Variants in CACNA1A observed in about 807,000 individuals in gnomAD.
CACNA1A encodes calcium voltage-gated channel subunit alpha1 A.
A neutral mutation model predicts 262.4 loss-of-function variants in CACNA1A; 57 were observed. The observed-to-expected ratio is 0.22, with a 90% CI of 0.18 to 0.27. The LOEUF is 0.27. Ranked by LOEUF, CACNA1A falls within the 10% of genes least tolerant of loss-of-function variation. The pLI is 1.00. For synonymous variants in CACNA1A, 1,431 were observed against 1,419.3 expected (o/e 1.01, Z -0.18); for missense variants, 2,526 against 3,562.8 (o/e 0.71, Z 7.41).
chr19:13,432,416 A>AAAATAAAT (rs201856945), intron 3 of CACNA1A, among the ~76,000 whole-genome samples: 25,827 of 144,806 alleles, frequency 0.18, 2,702 homozygotes, highest in Non-Finnish European at 0.24. Flanking sequence ...CTCCATCTCA[A>AAAATAAAT]AAATAAATAA....
chr19:13,364,405 A>G (rs1056837072), intron 5 of CACNA1A: 1 of 152,248 alleles, frequency 6.6e-6, no homozygotes, highest in Non-Finnish European at 1.5e-5. Context: ...TTGAGGCAAT[A>G]ACCCTTTTCT....
chr19:13,376,565 AAT>A (rs1012993142), intron 3 of CACNA1A, among the ~76,000 whole-genome samples: 112 of 148,968 alleles, frequency 7.5e-4, no homozygotes, highest in Middle Eastern at 3.6e-3. Flanking sequence ...TATAACACAT[AAT>A]ATATGTTATA....
rs747456771 is a variant in CACNA1A at position 13,298,737 on chromosome 19, C to T, written c.2896G>A (p.Glu966Lys). The T allele has an allele frequency of 6.7e-6, 10 of 1,503,498 alleles. No individual in the cohort carries two copies. Among genetic ancestry groups the T allele is most frequent in the Non-Finnish European group, 8.8e-6 (10 of 1,132,036 alleles). The allele number at this position is 1,503,498 out of a possible 1,614,324, so 93.1% of individuals were successfully genotyped here. ...RRHRAHRRPGEEGPEDKAERR... is the reference protein window; with the variant it reads ...RRHRAHRRPGKEGPEDKAERR... ...TCCGCCTTGTCCTCCGGACCCTCCT[C>T]CCCGGGCCTGCGGTGCGCGCGATGA... The change falls in exon 19 of 47, where the codon GAG becomes AAG. Residue 966 changes from glutamate to lysine, a missense_variant. This residue lies in a region of CACNA1A where 765 missense variants were observed against 748.6 expected (regional missense o/e 1.02). Transcript: ENST00000360228.
At chr19:13,245,032 C>T in intron 31 of CACNA1A, 150 bp downstream of exon 31, 1 of 664,198 alleles carries the variant, frequency 1.5e-6, no homozygotes, top group South Asian at 1.8e-5. Context: ...GTCCCCGGGG[C>T]CCCAGTTCTC....
At chr19:13,415,224 G>A (rs2060199758) in intron 3 of CACNA1A, among the ~76,000 whole-genome samples, 2 of 152,018 alleles carry the variant, frequency 1.3e-5, no homozygotes, top group Admixed American at 1.3e-4. Flanking sequence ...GAAGGCGGGT[G>A]TGTGTGCGGC....
In CACNA1A at chr19:13,270,409, G is replaced by T. The variant is rs12461696; in HGVS notation, c.3989+5441C>A. On this transcript the variant is annotated intron_variant, in intron 24 of 46. Transcript: ENST00000360228. Reference sequence around the variant, plus strand: ...GGAAATAAGCAGAGGACCCTGGGGTGGGGGGTGGGGGGCGGGTGGAGAGTT... The same window carrying T: ...GGAAATAAGCAGAGGACCCTGGGGTTGGGGGTGGGGGGCGGGTGGAGAGTT... Among the ~76,000 whole-genome samples, 2 of 126,028 alleles carry T rather than the reference G, an allele frequency of 1.6e-5. 1 individual carries two copies. The highest frequency in any genetic ancestry group is 1.8e-4 in the Admixed American group (2 of 11,330). The allele number at this position is 126,028 out of a possible 152,430, so 82.7% of individuals were successfully genotyped here. A position where few individuals can be genotyped will look rare whatever the true frequency, so the allele number is the denominator to read the frequency against.
chr19:13,469,274 C>T (rs1386467370), intron 1 of CACNA1A, among the ~76,000 whole-genome samples: 1 of 152,134 alleles, frequency 6.6e-6, no homozygotes, highest in African/African-American at 2.4e-5. Context: ...ATTTGATGAC[C>T]TCCAATTTCC....
chr19:13,414,051 C>G (rs758518949), intron 3 of CACNA1A, among the ~76,000 whole-genome samples: 24 of 151,716 alleles, frequency 1.6e-4, no homozygotes, highest in Non-Finnish European at 3.1e-4. Flanking sequence ...TAGTGGGACC[C>G]CATCTCTACA....
chr19:13,257,715 A>G (rs1157996351), intron 27 of CACNA1A, 164 bp from the exon 28 acceptor site: 1 of 486,664 alleles, frequency 2.1e-6, no homozygotes, highest in Non-Finnish European at 3.6e-6. Context: ...AAAGGCTGAC[A>G]ACAATGTCAG....
At chr19:13,270,467 T>A (rs1488134906) in intron 24 of CACNA1A, among the ~76,000 whole-genome samples, 1 of 151,326 alleles carries the variant, frequency 6.6e-6, no homozygotes, top group Admixed American at 6.6e-5. Flanking sequence ...AGAGCATCCA[T>A]GCTCCTTCCA....
intron 3 of CACNA1A, among the ~76,000 whole-genome samples, chr19:13,412,752 C>T (rs369682647): frequency 3.3e-5 from 5 of 152,286 alleles, no homozygotes; most frequent in East Asian, 3.9e-4. Flanking sequence ...GCTGGGATTA[C>T]AGGCGTTAGC....
chr19:13,353,538 C>T (rs1310975830), intron 6 of CACNA1A, among the ~76,000 whole-genome samples: 5 of 152,098 alleles, frequency 3.3e-5, no homozygotes, highest in South Asian at 4.2e-4. Context: ...AAGGACCATA[C>T]GGTATTTAAC....
chr19:13,442,440 T>C (rs910312001), intron 3 of CACNA1A, among the ~76,000 whole-genome samples: 1 of 152,178 alleles, frequency 6.6e-6, no homozygotes, highest in African/African-American at 2.4e-5. Flanking sequence ...GAGACTGCCC[T>C]CCAACAGAGA....
At chr19:13,419,881 T>C (rs2060287546) in intron 3 of CACNA1A, among the ~76,000 whole-genome samples, 1 of 151,680 alleles carries the variant, frequency 6.6e-6, no homozygotes, top group Non-Finnish European at 1.5e-5. Context: ...AGGTCAGGAG[T>C]TCGAGACCAG....
At chr19:13,216,647 TTATCTATCTATCTATCTATCTATCTATC>T (rs71168686) in intron 38 of CACNA1A, among the ~76,000 whole-genome samples, 121,584 of 149,268 alleles carry the variant, frequency 0.81, 49,762 homozygotes, top group Middle Eastern at 0.9. Context: ...TTTTAAAAAT[TTATCTATCTATCTATCTATCTATCTATC>T]TATCTATCTA....
At chr19:13,279,445 G>C (rs1227541052) in intron 22 of CACNA1A, among the ~76,000 whole-genome samples, 1 of 152,014 alleles carries the variant, frequency 6.6e-6, no homozygotes, top group Non-Finnish European at 1.5e-5. Context: ...AAGAACAGGA[G>C]TTCCCATGAG....
At chr19:13,321,883 T>C (rs1482619254) in intron 10 of CACNA1A, among the ~76,000 whole-genome samples, 4 of 151,654 alleles carry the variant, frequency 2.6e-5, no homozygotes, top group African/African-American at 4.8e-5. Context: ...CTACATGAAA[T>C]TTACAAAAAA....
At chr19:13,249,615 A>G (rs1274507065) in intron 30 of CACNA1A, among the ~76,000 whole-genome samples, 1 of 152,080 alleles carries the variant, frequency 6.6e-6, no homozygotes, top group Non-Finnish European at 1.5e-5. Flanking sequence ...TCAGCCTCCC[A>G]AAGTGCTGCG....
intron 3 of CACNA1A, among the ~76,000 whole-genome samples, chr19:13,434,689 G>A (rs2060579910): frequency 6.6e-6 from 1 of 152,172 alleles, no homozygotes; most frequent in South Asian, 2.1e-4. Context: ...CCCAGAAGCT[G>A]AGCAGATGCT....
Sources: allele counts gnomAD v4.1 joint callset (sites outside exome capture counted in the v4.1 genomes callset), GRCh38; gene constraint gnomAD v4.1.1; regional missense constraint gnomAD v4.1.1; transcripts MANE v1.5; gene names NCBI Gene and HGNC (gene_info 2026-07-23, HGNC 2026-07-21).